LMOD1: variants seen among roughly 807,000 people sequenced by gnomAD.
The protein encoded by LMOD1 is leiomodin 1.
In LMOD1, 8 loss-of-function variants were observed where a neutral mutation model predicts 36.5. The ratio of observed to expected loss-of-function variants is 0.22; its 90% CI spans 0.13 to 0.40. LMOD1 has a LOEUF of 0.40. Among genes scored for constraint, LMOD1 ranks in the 10% least tolerant of loss-of-function variants. The pLI, the probability that LMOD1 is intolerant of heterozygous loss-of-function variation, is 1.00. For missense variants in LMOD1, 630 were observed against 751.1 expected, an observed-to-expected ratio of 0.84 and a Z score of 1.88; for synonymous variants, 284 against 288.7, an observed-to-expected ratio of 0.98 and a Z score of 0.17.
At chr1:201,903,081 A>C (rs2820314) in intron 1 of LMOD1, among the ~76,000 whole-genome samples, 42,725 of 152,054 alleles carry the variant, frequency 0.28, 6,247 homozygotes, top group Non-Finnish European at 0.33. Context: ...GCAGGGAAGA[A>C]AGGAAAGCAG....
Position 201,899,341 on chromosome 1 carries a change from T to G in LMOD1, c.1672A>C (p.Thr558Pro), listed in dbSNP as rs1404242335. Residue 558 changes from threonine to proline, a missense_variant, in exon 2 of 3, where the codon ACC becomes CCC. By Grantham distance (38) the Thr-to-Pro change is conservative. This residue lies in a region of LMOD1 where 144 missense variants were observed against 169.8 expected (regional missense o/e 0.85). Coordinates refer to ENST00000367288, the MANE Select transcript of LMOD1 (RefSeq NM_012134.3). The surrounding 1 kb of genome is among the most constrained non-coding windows in gnomAD (Gnocchi z 6.3). Reference protein sequence around the residue: ...ENLKNSLSPATQRKMGDKVLP... With the variant: ...ENLKNSLSPAPQRKMGDKVLP... ...ACTTTGTCTCCCATCTTCCTCTGGG[T>G]AGCTGGTGAGAGTGAATTCTTCAGG... 5 of 1,611,982 alleles carry G rather than the reference T, an allele frequency of 3.1e-6. No homozygotes were observed. In the Admixed American group the frequency reaches 8.4e-5, roughly 27 times the overall value.
intron 1 of LMOD1, among the ~76,000 whole-genome samples, chr1:201,919,365 C>T (rs922855825): frequency 4.6e-5 from 7 of 151,876 alleles, no homozygotes; most frequent in African/African-American, 1.5e-4. Flanking sequence ...CCACCATGCC[C>T]GGCTGATTTT....
Position 201,946,378 on chromosome 1 carries a change from A to G in LMOD1, c.-38T>C, listed in dbSNP as rs1410700084. ...GGCTGTGGCTGCCAGGGGCTATCAGAGTCCTGGTGGGCAGGGAAGGGAGAG... is the reference window on the plus strand; with the variant it reads ...GGCTGTGGCTGCCAGGGGCTATCAGGGTCCTGGTGGGCAGGGAAGGGAGAG... On this transcript the variant is annotated 5_prime_UTR_variant, in exon 1 of 3. Coordinates refer to ENST00000367288, the MANE Select transcript of LMOD1 (RefSeq NM_012134.3). The G allele has an allele frequency of 1.9e-6, 3 of 1,602,418 alleles. No homozygotes were observed. Among genetic ancestry groups the G allele is most frequent in the African/African-American group, 1.3e-5 (1 of 74,858 alleles).
At position 201,934,618 on chromosome 1, in the gene LMOD1, T is replaced by A. The variant is rs138890655; in HGVS notation, c.261+11462A>T. On this transcript the variant is annotated intron_variant, in intron 1 of 2. Coordinates refer to ENST00000367288, the MANE Select transcript of LMOD1 (RefSeq NM_012134.3). ...ATTCTGCTTCCCATTAGAACAAAAC[T>A]GAGGAAAAACGAGACTTATCTAGAT... Among the ~76,000 whole-genome samples, 8 of 152,330 alleles carry A rather than the reference T, an allele frequency of 5.3e-5. No homozygotes were observed. In the East Asian group the frequency reaches 1.3e-3, roughly 26 times the overall value.
At chr1:201,905,414 C>T (rs1268549621) in intron 1 of LMOD1, among the ~76,000 whole-genome samples, 1 of 152,244 alleles carries the variant, frequency 6.6e-6, no homozygotes, top group Non-Finnish European at 1.5e-5. Context: ...AGCATTTTCT[C>T]CCTTACCTTG....
intron 1 of LMOD1, among the ~76,000 whole-genome samples, chr1:201,923,840 G>T (rs1681747820): frequency 1.3e-5 from 2 of 151,318 alleles, no homozygotes; most frequent in Non-Finnish European, 2.9e-5. Flanking sequence ...ATTCTAGCCT[G>T]GGTGACCGGG....
chr1:201,935,655 C>CA (rs1319618100), intron 1 of LMOD1, among the ~76,000 whole-genome samples: 1 of 151,918 alleles, frequency 6.6e-6, no homozygotes, highest in Non-Finnish European at 1.5e-5. Flanking sequence ...CTCCTGGGTT[C>CA]AAGCGATTCT....
Position 201,900,286 on chromosome 1 carries a change from C to G in LMOD1, c.727G>C (p.Gly243Arg). 1 of 1,610,220 alleles carries G rather than the reference C, an allele frequency of 6.2e-7. No individual in the cohort carries two copies. Among genetic ancestry groups the G allele is most frequent in the Non-Finnish European group, 8.5e-7 (1 of 1,177,960 alleles). The change falls in exon 2 of 3, where the codon GGT (glycine) becomes CGT (arginine). Residue 243 changes from glycine (G) to arginine (R), a missense_variant. Physicochemically the swap from Gly to Arg is moderately radical, Grantham distance 125 (BLOSUM62 -2). This residue lies in a region of LMOD1 where 405 missense variants were observed against 400.6 expected (regional missense o/e 1.01). Coordinates refer to ENST00000367288, the MANE Select transcript of LMOD1 (RefSeq NM_012134.3). ...RKEGEKMKRA[G>R]GNTDMKKEDE... Reference sequence around the variant, plus strand: ...TCCTTTTTCATGTCTGTGTTCCCACCTGCTCTTTTCATCTTCTCACCCTCT... The same window carrying G: ...TCCTTTTTCATGTCTGTGTTCCCACGTGCTCTTTTCATCTTCTCACCCTCT...
At chr1:201,940,999 G>A (rs1046954223) in intron 1 of LMOD1, among the ~76,000 whole-genome samples, 5 of 151,642 alleles carry the variant, frequency 3.3e-5, no homozygotes, top group African/African-American at 1.2e-4. Flanking sequence ...CACCCGCCTT[G>A]GCCTCCCAAA....
At chr1:201,927,640 G>C (rs1270698586) in intron 1 of LMOD1, among the ~76,000 whole-genome samples, 2 of 149,204 alleles carry the variant, frequency 1.3e-5, no homozygotes, top group African/African-American at 5.2e-5. Context: ...TTGAGGACAT[G>C]GGACAAGTGG....
At chr1:201,941,443 T>C (rs1682112966) in intron 1 of LMOD1, among the ~76,000 whole-genome samples, 1 of 152,220 alleles carries the variant, frequency 6.6e-6, no homozygotes, top group South Asian at 2.1e-4. Context: ...TGCCTGCTTT[T>C]GCCTCCCTGG....
At chr1:201,917,272 A>G (rs1571581991) in intron 1 of LMOD1, among the ~76,000 whole-genome samples, 1 of 152,198 alleles carries the variant, frequency 6.6e-6, no homozygotes, top group African/African-American at 2.4e-5. Context: ...AGAGCCATCA[A>G]GAGGCACCAG....
In LMOD1 at chr1:201,899,526, A is replaced by G. The variant is rs371597640; in HGVS notation, c.1487T>C (p.Leu496Pro). The G allele has an allele frequency of 1.7e-5, 27 of 1,613,928 alleles. No homozygotes were observed. Among genetic ancestry groups the G allele is most frequent in the Non-Finnish European group, 2.3e-5 (27 of 1,179,876 alleles). ...CACGGCCCCGGCCTTGGGTACCTCC[A>G]GCAGATCCTTCTTCTCTCCCTTGGC... Reference protein sequence around the residue: ...QEAKGEKKDLLEVPKAGAVAK... With the variant: ...QEAKGEKKDLPEVPKAGAVAK... The change falls in exon 2 of 3, where the codon CTG (leucine) becomes CCG (proline). Residue 496 changes from leucine (L) to proline (P), a missense_variant. By Grantham distance (98) the Leu-to-Pro change is moderately conservative (BLOSUM62 -3). Transcript: ENST00000367288. The surrounding 1 kb of genome is among the most constrained non-coding windows in gnomAD (Gnocchi z 6.3).
chr1:201,912,913 A>G lies in LMOD1; in HGVS notation c.262-12162T>C, dbSNP rs1681538974. Among the ~76,000 whole-genome samples, 2 of 152,184 alleles carry G rather than the reference A, an allele frequency of 1.3e-5. 1 individual carries two copies. Among genetic ancestry groups the G allele is most frequent in the South Asian group, 4.2e-4 (2 of 4,816 alleles). On this transcript the variant is annotated intron_variant, in intron 1 of 2. Transcript: ENST00000367288. Reference sequence around the variant, plus strand: ...CAAAAACAAACTTCCTGGAGTCCACACTGAGAAGGACACCAGGGTGTTTGG... The same window carrying G: ...CAAAAACAAACTTCCTGGAGTCCACGCTGAGAAGGACACCAGGGTGTTTGG...
At chr1:201,911,131 T>C (rs1297986900) in intron 1 of LMOD1, among the ~76,000 whole-genome samples, 1 of 152,154 alleles carries the variant, frequency 6.6e-6, no homozygotes, top group East Asian at 1.9e-4. Flanking sequence ...ATGTGATCAT[T>C]TGGCCAGATG....
chr1:201,924,677 GAAAGAAA>G (rs1464296029), intron 1 of LMOD1, among the ~76,000 whole-genome samples: 7 of 20,496 alleles, frequency 3.4e-4, no homozygotes, highest in African/African-American at 6.5e-4. Flanking sequence ...AAGAAAGAAA[GAAAGAAA>G]GAAAGAAAGA....
chr1:201,934,845 G>A (rs1337289306), intron 1 of LMOD1, among the ~76,000 whole-genome samples: 1 of 152,168 alleles, frequency 6.6e-6, no homozygotes, highest in African/African-American at 2.4e-5. Context: ...ACCTGATTTG[G>A]TGAAACCACT....
At chr1:201,934,534 C>T (rs1681982441) in intron 1 of LMOD1, among the ~76,000 whole-genome samples, 1 of 152,170 alleles carries the variant, frequency 6.6e-6, no homozygotes, top group Non-Finnish European at 1.5e-5. Flanking sequence ...CTATAATATT[C>T]CTTGTCTTTC....
chr1:201,934,594 T>C (rs976426838), intron 1 of LMOD1, among the ~76,000 whole-genome samples: 5 of 152,196 alleles, frequency 3.3e-5, no homozygotes, highest in African/African-American at 1.2e-4. Context: ...CACCCTACTA[T>C]TCTGCTTCCC....
Sources: gnomAD v4.1 joint callset for allele counts (sites outside exome capture counted in the v4.1 genomes callset) on GRCh38, gnomAD v4.1.1 for gene constraint, gnomAD v4.1.1 regional missense constraint, Gnocchi (gnomAD v3.1) non-coding constraint, MANE v1.5 for transcripts, NCBI Gene and HGNC (gene_info 2026-07-23, HGNC 2026-07-21) for gene names.